The following DLC1 variants were observed in gnomAD, a reference collection of about 807,000 sequenced individuals.
DLC1 encodes rho GTPase-activating protein 7.
A neutral mutation model predicts 140.3 loss-of-function variants in DLC1; 54 were observed. That is an observed-to-expected ratio of 0.38 (90% CI 0.31 to 0.48). The LOEUF (loss-of-function observed/expected upper bound fraction) is 0.48, where lower values mean the gene tolerates loss of function less well. Ranked by LOEUF, DLC1 falls within the 20% of genes least tolerant of loss-of-function variation. DLC1 has a pLI of 0.96. For synonymous variants in DLC1, 986 were observed against 728.1 expected (o/e 1.35, Z -5.70); for missense variants, 2,536 against 1,907.0 (o/e 1.33, Z -6.14).
intron 4 of DLC1, among the ~76,000 whole-genome samples, chr8:13,330,994 T>A (rs2116943550): frequency 6.6e-6 from 1 of 152,122 alleles, no homozygotes; most frequent in African/African-American, 2.4e-5. Flanking sequence ...AAAGAATAAA[T>A]CCAGAAAGCT....
chr8:13,375,578 T>C (rs1358987644), intron 4 of DLC1, among the ~76,000 whole-genome samples: 1 of 152,164 alleles, frequency 6.6e-6, no homozygotes, highest in Admixed American at 6.5e-5. Flanking sequence ...GTCATCCCTG[T>C]CTTGTGCCAT....
chr8:13,498,987 C>G (rs769292279), intron 2 of DLC1, 62 bp downstream of exon 2: 3 of 1,502,820 alleles, frequency 2.0e-6, no homozygotes, highest in South Asian at 2.8e-5. Flanking sequence ...AAAATGATAA[C>G]TGATAAATCC....
intron 2 of DLC1, among the ~76,000 whole-genome samples, chr8:13,491,721 C>A (rs930480820): frequency 6.6e-6 from 1 of 152,110 alleles, no homozygotes; most frequent in Non-Finnish European, 1.5e-5. Context: ...TCCCTTGTCC[C>A]TCTTCTTCCC....
At chr8:13,155,351 C>G (rs762592793) in intron 5 of DLC1, among the ~76,000 whole-genome samples, 12 of 135,040 alleles carry the variant, frequency 8.9e-5, no homozygotes, top group East Asian at 2.3e-4. Flanking sequence ...ACCACCTCCA[C>G]CAAAAAGCAA....
At position 13,194,691 on chromosome 8, in the gene DLC1, C is replaced by T. The variant is rs926610335; in HGVS notation, c.1349-79034G>A. On this transcript the variant is annotated intron_variant, in intron 5 of 17. Transcript: ENST00000276297. The stretch of plus-strand genomic sequence containing the variant: ...GTCAACTTGAAGAAACATTGTAGGC[C>T]GCAAGCATTCCATTTTGTTATGGAT... Among the ~76,000 whole-genome samples, 14 of 152,222 alleles carry T rather than the reference C, an allele frequency of 9.2e-5. No homozygotes were observed. In the East Asian group the frequency reaches 9.6e-4, roughly 10 times the overall value.
At chr8:13,239,421 C>A (rs1291027030) in intron 5 of DLC1, among the ~76,000 whole-genome samples, 1 of 151,982 alleles carries the variant, frequency 6.6e-6, no homozygotes, top group African/African-American at 2.4e-5. Flanking sequence ...TTACAAGGAC[C>A]AGGCAGGTAG....
chr8:13,346,438 C>G (rs1222695745), intron 4 of DLC1, among the ~76,000 whole-genome samples: 8 of 152,230 alleles, frequency 5.3e-5, no homozygotes, highest in Non-Finnish European at 1.2e-4. Flanking sequence ...TGTTCACTTT[C>G]AAATCTGCTC....
At chr8:13,463,712 A>G (rs1799788531) in intron 2 of DLC1, among the ~76,000 whole-genome samples, 1 of 152,178 alleles carries the variant, frequency 6.6e-6, no homozygotes, top group Non-Finnish European at 1.5e-5. Flanking sequence ...TTTTTGGCTT[A>G]TTATTCTCTG....
intron 1 of DLC1, among the ~76,000 whole-genome samples, chr8:13,580,367 C>A (rs55843245): frequency 0.27 from 40,320 of 152,088 alleles, 6,052 homozygotes; most frequent in Non-Finnish European, 0.35. Context: ...GTGATCTGCC[C>A]GCGTCGGACT....
chr8:13,190,301 T>C (rs562516266), intron 5 of DLC1, among the ~76,000 whole-genome samples: 1 of 152,052 alleles, frequency 6.6e-6, no homozygotes, highest in Non-Finnish European at 1.5e-5. Context: ...TTTGGAGATA[T>C]CTATGGGGTG....
At chr8:13,352,969 C>T (rs567450176) in intron 4 of DLC1, among the ~76,000 whole-genome samples, 6 of 152,068 alleles carry the variant, frequency 3.9e-5, no homozygotes, top group Admixed American at 1.3e-4. Context: ...CTTAGTAAAA[C>T]ACTAACAAGC....
intron 2 of DLC1, among the ~76,000 whole-genome samples, chr8:13,475,260 A>G (rs1425100782): frequency 6.6e-6 from 1 of 152,232 alleles, no homozygotes; most frequent in East Asian, 1.9e-4. Flanking sequence ...CAGCCTTTAA[A>G]AAAAGGTGTT....
intron 5 of DLC1, among the ~76,000 whole-genome samples, chr8:13,191,363 C>T (rs1265894964): frequency 1.3e-5 from 2 of 152,120 alleles, no homozygotes; most frequent in East Asian, 3.9e-4. Context: ...AAAAATCAAC[C>T]AGGCGTGGTG....
chr8:13,357,646 T>C (rs1263743081), intron 4 of DLC1, among the ~76,000 whole-genome samples: 3 of 152,214 alleles, frequency 2.0e-5, no homozygotes, highest in African/African-American at 7.2e-5. Context: ...TTCAAGAAAT[T>C]ACAAGAAGAG....
chr8:13,513,977 C>T (rs1486724200), intron 1 of DLC1, among the ~76,000 whole-genome samples: 1 of 151,430 alleles, frequency 6.6e-6, no homozygotes, highest in African/African-American at 2.4e-5. Context: ...TTTAAATTTC[C>T]AAAACTCAGA....
intron 1 of DLC1, among the ~76,000 whole-genome samples, chr8:13,583,473 C>T (rs1361496055): frequency 1.3e-5 from 2 of 152,148 alleles, no homozygotes; most frequent in Admixed American, 6.5e-5. Flanking sequence ...TTCTAGTTCT[C>T]TTGCTATTTC....
chr8:13,263,361 G>A (rs1323311045), intron 5 of DLC1, among the ~76,000 whole-genome samples: 1 of 151,950 alleles, frequency 6.6e-6, no homozygotes, highest in Admixed American at 6.6e-5. Flanking sequence ...CCTCAGCTGT[G>A]TTTATACCCA....
intron 5 of DLC1, among the ~76,000 whole-genome samples, chr8:13,263,735 C>T (rs2117344558): frequency 6.6e-6 from 1 of 150,908 alleles, no homozygotes; most frequent in Middle Eastern, 3.5e-3. Context: ...AATGTTCTAC[C>T]ACTTTTACAG....
intron 1 of DLC1, among the ~76,000 whole-genome samples, chr8:13,539,302 C>G (rs180928704): frequency 6.6e-6 from 1 of 152,184 alleles, no homozygotes; most frequent in East Asian, 1.9e-4. Context: ...TGAGTTCACA[C>G]CATTCTCCTG....
Sources: gnomAD v4.1 joint callset for allele counts (sites outside exome capture counted in the v4.1 genomes callset) on GRCh38, gnomAD v4.1.1 for gene constraint, MANE v1.5 for transcripts, NCBI Gene and HGNC (gene_info 2026-07-23, HGNC 2026-07-21) for gene names.